The following CREB5 variants were observed in gnomAD, a reference collection of about 807,000 sequenced individuals.
CREB5 encodes the protein cyclic AMP-responsive element-binding protein 5.
CREB5 carries 19 observed loss-of-function variants against 57.1 expected under a neutral mutation model. That is an observed-to-expected ratio of 0.33 (90% CI 0.23 to 0.49). The LOEUF is 0.49. Among genes scored for constraint, CREB5 ranks in the 20% least tolerant of loss-of-function variants. CREB5 has a pLI of 0.99. For synonymous variants in CREB5, 238 were observed against 238.3 expected, an observed-to-expected ratio of 1.00 and a Z score of 0.01; for missense variants, 579 against 671.6, an observed-to-expected ratio of 0.86 and a Z score of 1.52.
At chr7:28,306,486 G>C (rs1194809898) in intron 1 of CREB5, among the ~76,000 whole-genome samples, 1 of 117,538 alleles carries the variant, frequency 8.5e-6, no homozygotes, top group Admixed American at 8.7e-5. Context: ...GCTCATCATG[G>C]CACAAGATTT....
intron 1 of CREB5, among the ~76,000 whole-genome samples, chr7:28,394,171 A>G (rs1275174562): frequency 6.6e-6 from 1 of 151,374 alleles, no homozygotes; most frequent in Non-Finnish European, 1.5e-5. Context: ...TTTTTTTAAA[A>G]AAAGAAATAT....
chr7:28,747,508 G>A (rs1348513977), intron 7 of CREB5, among the ~76,000 whole-genome samples: 1 of 152,222 alleles, frequency 6.6e-6, no homozygotes, highest in Non-Finnish European at 1.5e-5. Flanking sequence ...AGGAAGCTGT[G>A]TCACAGGGGT....
At chr7:28,813,653 T>C (rs905417066) in intron 9 of CREB5, among the ~76,000 whole-genome samples, 1 of 152,220 alleles carries the variant, frequency 6.6e-6, no homozygotes, top group Non-Finnish European at 1.5e-5. Flanking sequence ...GCATTGTGGA[T>C]TTATCATATA....
chr7:28,794,722 C>G (rs191530297), intron 7 of CREB5, among the ~76,000 whole-genome samples: 2 of 151,524 alleles, frequency 1.3e-5, no homozygotes, highest in African/African-American at 4.9e-5. Flanking sequence ...CCTTCATTCC[C>G]TACATGTGCA....
intron 1 of CREB5, among the ~76,000 whole-genome samples, chr7:28,377,108 G>C (rs942372162): frequency 3.3e-5 from 5 of 152,054 alleles, no homozygotes; most frequent in African/African-American, 1.2e-4. Flanking sequence ...CTCTACAAGG[G>C]GTCTTCTTTC....
chr7:28,341,444 T>C (rs984088547), intron 1 of CREB5, among the ~76,000 whole-genome samples: 5 of 152,200 alleles, frequency 3.3e-5, no homozygotes, highest in African/African-American at 1.2e-4. Flanking sequence ...GGGATTGTAG[T>C]GTTGACTAGT....
intron 8 of CREB5, 58 bp downstream of exon 8, chr7:28,804,580 T>G: frequency 1.3e-6 from 2 of 1,568,828 alleles, no homozygotes; most frequent in East Asian, 2.3e-5. Context: ...CAGTGCAAGC[T>G]CTAATGCTGG....
chr7:28,509,699 T>C (rs970182418), intron 4 of CREB5, among the ~76,000 whole-genome samples: 2 of 152,210 alleles, frequency 1.3e-5, no homozygotes, highest in African/African-American at 4.8e-5. Context: ...ATTTTAAAAA[T>C]TAAAATAATT....
chr7:28,810,017 T>C (rs531285927), intron 9 of CREB5, among the ~76,000 whole-genome samples: 49 of 152,352 alleles, frequency 3.2e-4, no homozygotes, highest in Non-Finnish European at 6.3e-4. Flanking sequence ...ATTTGCCAAC[T>C]CACCAAGATT....
chr7:28,584,776 T>C (rs888279701), intron 5 of CREB5, among the ~76,000 whole-genome samples: 4 of 139,956 alleles, frequency 2.9e-5, no homozygotes, highest in African/African-American at 1.0e-4. Flanking sequence ...AACGGAATCG[T>C]GGTTAAAAAA....
At chr7:28,472,932 A>G (rs1199677591) in intron 1 of CREB5, among the ~76,000 whole-genome samples, 2 of 152,176 alleles carry the variant, frequency 1.3e-5, no homozygotes. Flanking sequence ...TCCCTCAGAC[A>G]TGCCAAGCTC....
chr7:28,381,657 C>A (rs1488648956), intron 1 of CREB5, among the ~76,000 whole-genome samples: 1 of 152,154 alleles, frequency 6.6e-6, no homozygotes, highest in African/African-American at 2.4e-5. Context: ...AGTACCCTGG[C>A]AGAATGAGCT....
intron 5 of CREB5, among the ~76,000 whole-genome samples, chr7:28,699,702 CT>C (rs1168083613): frequency 6.6e-6 from 1 of 152,108 alleles, no homozygotes; most frequent in Non-Finnish European, 1.5e-5. Context: ...TTGGAAAAGG[CT>C]TTTTAGAAAC....
At chr7:28,420,174 A>G (rs956956656) in intron 1 of CREB5, among the ~76,000 whole-genome samples, 2 of 152,108 alleles carry the variant, frequency 1.3e-5, no homozygotes, top group Non-Finnish European at 2.9e-5. Context: ...TAATTACTTG[A>G]CATGCCCTTT....
chr7:28,430,063 T>C (rs952308946), intron 1 of CREB5, among the ~76,000 whole-genome samples: 5 of 152,220 alleles, frequency 3.3e-5, no homozygotes, highest in Admixed American at 3.3e-4. Context: ...GGGAATTATA[T>C]CTCTACTGTC....
intron 7 of CREB5, among the ~76,000 whole-genome samples, chr7:28,788,237 T>G (rs1859682): frequency 6.6e-6 from 1 of 151,902 alleles, no homozygotes; most frequent in Non-Finnish European, 1.5e-5. Context: ...GATGCCAGTA[T>G]CACAGCACCC....
chr7:28,715,910 CT>C (rs1314368217), intron 5 of CREB5, among the ~76,000 whole-genome samples: 1 of 152,076 alleles, frequency 6.6e-6, no homozygotes, highest in East Asian at 1.9e-4. Flanking sequence ...GAAAGGCTAT[CT>C]TAATGAGGAA....
intron 5 of CREB5, among the ~76,000 whole-genome samples, chr7:28,611,163 C>T (rs1465938816): frequency 6.6e-6 from 1 of 152,066 alleles, no homozygotes; most frequent in East Asian, 1.9e-4. Context: ...ACAGGTCATA[C>T]ATTGGGACAA....
rs557129684 is a variant in CREB5, at chr7:28,316,593, C to T, written c.-25+17152C>T. Among the ~76,000 whole-genome samples the T allele has an allele frequency of 4.6e-5, 7 of 152,016 alleles. No homozygotes were observed. In the South Asian group the frequency reaches 6.3e-4, roughly 14 times the overall value. ...CTGCCATCCATTGGGCATCTCGTAT[C>T]GCTCCTGCCAAAAGCCTGAGCAACA... On this transcript the variant is annotated intron_variant, in intron 1 of 9. Coordinates refer to the CREB5 transcript ENST00000396299.
Sources: gnomAD v4.1 joint callset for allele counts (sites outside exome capture counted in the v4.1 genomes callset) on GRCh38, gnomAD v4.1.1 for gene constraint, MANE v1.5 for transcripts, NCBI Gene and HGNC (gene_info 2026-07-23, HGNC 2026-07-21) for gene names.